ESYT2: variants seen among roughly 807,000 people sequenced by gnomAD.
The protein encoded by ESYT2 is extended synaptotagmin-2.
A neutral mutation model predicts 107.2 loss-of-function variants in ESYT2; 54 were observed. The ratio of observed to expected loss-of-function variants is 0.50; its 90% CI spans 0.40 to 0.63. The LOEUF is 0.63. ESYT2 is among the 30% of genes least tolerant of loss of function. ESYT2 has a pLI of 0.00. For missense variants in ESYT2, 1,020 were observed against 1,094.5 expected, an observed-to-expected ratio of 0.93 and a Z score of 0.96; for synonymous variants, 491 against 434.1, an observed-to-expected ratio of 1.13 and a Z score of -1.63.
chr7:158,770,925 G>A (rs963901076), intron 7 of ESYT2, among the ~76,000 whole-genome samples: 1 of 152,162 alleles, frequency 6.6e-6, no homozygotes, highest in African/African-American at 2.4e-5. Context: ...GAGGCAGGAA[G>A]ATCCCTTGAG....
In ESYT2 at chr7:158,803,041, A is replaced by T. The variant is rs13232348; in HGVS notation, c.331-3969T>A. Among the ~76,000 whole-genome samples the T allele has an allele frequency of 5.7e-3, 863 of 152,376 alleles. 5 individuals carry two copies. The highest frequency in any genetic ancestry group is 9.6e-3 in the Non-Finnish European group (652 of 68,042). ...AAGCAATGGTTGGTTGCAAGGAAGA[A>T]TTCTTTCCCTCTCTTAGACCACAAC... is the stretch of plus-strand genomic sequence containing the variant. On this transcript the variant is annotated intron_variant, in intron 1 of 22. Transcript: ENST00000275418.
At chr7:158,763,730 A>G (rs1249821772) in intron 9 of ESYT2, among the ~76,000 whole-genome samples, 1 of 152,160 alleles carries the variant, frequency 6.6e-6, no homozygotes, top group East Asian at 1.9e-4. Flanking sequence ...TTGCGTCTCA[A>G]TAGATCAAGT....
rs566928682 is a variant in ESYT2 at position 158,781,514 on chromosome 7, CAA to C, written c.747+6488_747+6489del. 3.3e-4 allele frequency among the ~76,000 whole-genome samples: 49 copies of C among 149,808 alleles called. 2 individuals carry two copies. The highest frequency in any genetic ancestry group is 2.3e-3 in the South Asian group (11 of 4,684). ...AAGTGAACGAGTGAACGTGTGAGAA[CAA>C]AGTGTGAGAGGTGTGAGTGTAAGAA... is the stretch of plus-strand genomic sequence containing the variant. On this transcript the variant is annotated intron_variant, in intron 6 of 22. Coordinates refer to ENST00000275418, the MANE Select transcript of ESYT2 (RefSeq NM_001367773.1).
intron 1 of ESYT2, among the ~76,000 whole-genome samples, chr7:158,819,266 T>C (rs1220839907): frequency 1.3e-5 from 2 of 152,242 alleles, no homozygotes; most frequent in Non-Finnish European, 2.9e-5. Flanking sequence ...AAAATTATCA[T>C]GTCTAATGAG....
chr7:158,812,291 G>T (rs1840013352), intron 1 of ESYT2, among the ~76,000 whole-genome samples: 1 of 152,126 alleles, frequency 6.6e-6, no homozygotes, highest in Admixed American at 6.5e-5. Flanking sequence ...TTCCCACTAT[G>T]GCCAATTTCA....
At chr7:158,764,978 G>A in intron 8 of ESYT2, 125 bp from the exon 9 acceptor site, 1 of 896,442 alleles carries the variant, frequency 1.1e-6, no homozygotes, top group East Asian at 2.5e-5. Flanking sequence ...ACCCTCTTCT[G>A]GTGCCGAGTA....
rs908014371 is a variant in ESYT2, at chr7:158,731,041, C to T, written c.*3166G>A. The T allele has an allele frequency of 1.3e-5, 2 of 152,156 alleles. No individual in the cohort carries two copies. The highest frequency in any genetic ancestry group is 2.9e-5 in the Non-Finnish European group (2 of 68,042). The allele number at this position is 152,156 out of a possible 1,614,324, so 9.4% of individuals were successfully genotyped here. ...TATTGAATAAATACATGCACTGTCACGTGAAATTAGTTGAACAGAAAGGAG... is the reference window on the plus strand; with the variant it reads ...TATTGAATAAATACATGCACTGTCATGTGAAATTAGTTGAACAGAAAGGAG... On this transcript the variant is annotated 3_prime_UTR_variant, in exon 23 of 23. Transcript: ENST00000275418.
rs1837670809 is a variant in ESYT2, at chr7:158,754,036, T to G, written c.1420-1193A>C. Among the ~76,000 whole-genome samples, 3 of 152,016 alleles carry G rather than the reference T, an allele frequency of 2.0e-5. No homozygotes were observed. In the South Asian group the frequency reaches 6.2e-4, roughly 32 times the overall value. ...GGTAGGGGATGCAGGAGAAGCTGTG[T>G]AAGGTAGTGGACAGCTGTGTGGCTC... On this transcript the variant is annotated intron_variant, in intron 13 of 22. Transcript: ENST00000275418.
At chr7:158,819,439 ACAT>A (rs1840232365) in intron 1 of ESYT2, among the ~76,000 whole-genome samples, 4 of 152,248 alleles carry the variant, frequency 2.6e-5, no homozygotes, top group Non-Finnish European at 4.4e-5. Flanking sequence ...TGTCTATCAG[ACAT>A]CATTTAAATA....
intron 16 of ESYT2, among the ~76,000 whole-genome samples, 181 bp downstream of exon 16, chr7:158,748,013 C>G (rs576772305): frequency 6.6e-6 from 1 of 152,262 alleles, no homozygotes; most frequent in East Asian, 1.9e-4. Context: ...CTACAGTGAC[C>G]AAAGGCAGGT....
chr7:158,734,208 T>G lies in ESYT2; in HGVS notation c.2600A>C (p.Ter867SerextTer44). 1 of 1,614,126 alleles carries G rather than the reference T, an allele frequency of 6.2e-7. No individual in the cohort carries two copies. The highest frequency in any genetic ancestry group is 1.7e-5 in the Admixed American group (1 of 60,022). Residue 867 changes from the stop codon to serine, a stop_lost, in exon 23 of 23, where the codon TAG becomes TCG. Transcript: ENST00000275418. ...EDGTRPQAMT[*>S] is the part of the protein sequence containing the mutation. ...GAGGACGCCTCCTGCCTGCTGCGGC[T>G]ATGTCATCGCCTGAGGCCTCGTCCC...
chr7:158,763,227 G>C, intron 9 of ESYT2, 62 bp from the exon 10 acceptor site: 1 of 1,125,298 alleles, frequency 8.9e-7, no homozygotes, highest in East Asian at 2.5e-5. Context: ...CACTGAGTAT[G>C]ATATGATGAT....
intron 14 of ESYT2, among the ~76,000 whole-genome samples, chr7:158,751,141 C>T (rs79344407): frequency 2.0e-5 from 3 of 152,062 alleles, no homozygotes; most frequent in East Asian, 3.9e-4. Context: ...ATAATATATA[C>T]CTTTTTGGGG....
rs1156951211 is a variant in ESYT2 at position 158,764,808 on chromosome 7, T to G, written c.970A>C (p.Lys324Gln). The change falls in exon 9 of 23, where the codon AAA becomes CAA. Residue 324 changes from lysine (K) to glutamine (Q), a missense_variant. Transcript: ENST00000275418. ...HFIEAQDLQG[K>Q]DTYLKGLVKG... Reference sequence around the variant, plus strand: ...ACAAGTCCCTTAAGGTAAGTGTCTTTCCCCTGAAGATCCTGAGCTTCAATA... The same window carrying G: ...ACAAGTCCCTTAAGGTAAGTGTCTTGCCCCTGAAGATCCTGAGCTTCAATA... The G allele has an allele frequency of 6.2e-7, 1 of 1,614,166 alleles. No homozygotes were observed. Among genetic ancestry groups the G allele is most frequent in the Non-Finnish European group, 8.5e-7 (1 of 1,180,026 alleles).
At position 158,817,408 on chromosome 7, in the gene ESYT2, T is replaced by C. The variant is rs942863404; in HGVS notation, c.330+11681A>G. Among the ~76,000 whole-genome samples, 6 of 152,214 alleles carry C rather than the reference T, an allele frequency of 3.9e-5. No individual in the cohort carries two copies. In the East Asian group the frequency reaches 5.8e-4, roughly 15 times the overall value. The stretch of plus-strand genomic sequence containing the variant: ...GGTCTCTAGACAGTAACTTAACCAA[T>C]TGCCAATCAGAAAAATCTTTGAGTC... On this transcript the variant is annotated intron_variant, in intron 1 of 22. Transcript: ENST00000275418.
intron 6 of ESYT2, among the ~76,000 whole-genome samples, chr7:158,779,891 G>A (rs535460393): frequency 6.6e-6 from 1 of 152,160 alleles, no homozygotes; most frequent in Non-Finnish European, 1.5e-5. Flanking sequence ...GGGTGGAGAG[G>A]GGCAGTCCTC....
At chr7:158,740,504 T>C (rs921091873) in intron 18 of ESYT2, among the ~76,000 whole-genome samples, 1 of 152,210 alleles carries the variant, frequency 6.6e-6, no homozygotes, top group Admixed American at 6.5e-5. Context: ...CAAAGCCTCA[T>C]GCAAGCCACG....
chr7:158,796,492 G>A (rs1215684359), intron 3 of ESYT2, among the ~76,000 whole-genome samples: 4 of 152,182 alleles, frequency 2.6e-5, no homozygotes, highest in African/African-American at 9.7e-5. Context: ...CCTTAAACTT[G>A]TCAATTACTG....
Position 158,749,581 on chromosome 7 carries a change from G to A in ESYT2, c.1557+68C>T, listed in dbSNP as rs1427867155. On this transcript the variant is annotated intron_variant, in intron 15 of 22. Coordinates refer to ENST00000275418, the MANE Select transcript of ESYT2 (RefSeq NM_001367773.1). ...TGTATTTGCAACCCGGCATCCCCAG[G>A]TGAGACGGCAACACGGACAGCGCCC... 4.0e-6 allele frequency: 6 copies of A among 1,492,982 alleles called. No homozygotes were observed. In the Admixed American group the frequency reaches 5.2e-5, roughly 13 times the overall value. 92.5% of individuals were successfully genotyped at this position (1,492,982 alleles called of 1,614,324 possible). A position where few individuals can be genotyped will look rare whatever the true frequency, so the allele number is the denominator to read the frequency against.
Sources: gnomAD v4.1 joint callset for allele counts (sites outside exome capture counted in the v4.1 genomes callset) on GRCh38, gnomAD v4.1.1 for gene constraint, MANE v1.5 for transcripts, NCBI Gene and HGNC (gene_info 2026-07-23, HGNC 2026-07-21) for gene names.